The following POTEE variants were observed in gnomAD, a reference collection of about 807,000 sequenced individuals.
POTEE encodes the protein ANKRD26-like family C member 1A.
Under a neutral mutation model 74.2 loss-of-function variants are expected in POTEE, and 21 were observed. That is an observed-to-expected ratio of 0.28 (90% CI 0.20 to 0.41). POTEE has a LOEUF of 0.41. POTEE is among the 10% of genes least tolerant of loss of function. The probability of loss-of-function intolerance (pLI) is 1.00; values close to 1 mark genes in which losing one functional copy is unlikely to be tolerated. For synonymous variants in POTEE, 211 were observed against 432.8 expected, an observed-to-expected ratio of 0.49 and a Z score of 6.36; for missense variants, 525 against 1,158.6, an observed-to-expected ratio of 0.45 and a Z score of 7.94.
At position 131,263,981 on chromosome 2, in the gene POTEE, G is replaced by T; in HGVS notation, c.2526G>T (p.Leu842=). The T allele has an allele frequency of 1.2e-6, 2 of 1,614,202 alleles. No individual in the cohort carries two copies. The highest frequency in any genetic ancestry group is 1.7e-6 in the Non-Finnish European group (2 of 1,180,032). ...MYVAIQAVPS[L]YTSGRTTGIV... ...TGGCCATCCAGGCCGTGCCGTCCCT[G>T]TACACCTCTGGCCGTACTACTGGCA... The change falls in exon 18 of 18, where the codon CTG becomes CTT. Residue 842 remains leucine, a synonymous_variant. Transcript: ENST00000683005.
At chr2:131,261,572 G>T (rs1701709793) in intron 16 of POTEE, among the ~76,000 whole-genome samples, 154 bp from the exon 17 acceptor site, 1 of 39,282 alleles carries the variant, frequency 2.5e-5, no homozygotes, top group South Asian at 6.3e-4. Context: ...GCATGGTTGG[G>T]GACACCTGGT....
Position 131,225,166 on chromosome 2 carries a change from T to C in POTEE, c.810+1123T>C, listed in dbSNP as rs1171213179. Among the ~76,000 whole-genome samples the C allele has an allele frequency of 5.3e-5, 8 of 152,232 alleles. No individual in the cohort carries two copies. In the South Asian group the frequency reaches 8.3e-4, roughly 16 times the overall value. The stretch of plus-strand genomic sequence containing the variant: ...GTGCATCCCAGTAACCTGAGGAAAA[T>C]GTTTAAATAATCAACAAGTCTAGGC... On this transcript the variant is annotated intron_variant, in intron 6 of 17. Transcript: ENST00000683005.
At chr2:131,214,398 A>C (rs1265701856) in intron 2 of POTEE, among the ~76,000 whole-genome samples, 1 of 152,272 alleles carries the variant, frequency 6.6e-6, no homozygotes, top group Non-Finnish European at 1.5e-5. Context: ...TGTTGTCCTA[A>C]AGTAGAATGA....
chr2:131,216,610 A>G (rs1157014761), intron 2 of POTEE, among the ~76,000 whole-genome samples: 2 of 151,590 alleles, frequency 1.3e-5, no homozygotes, highest in African/African-American at 4.9e-5. Flanking sequence ...CAAATGCCTT[A>G]CACATAAAGG....
intron 6 of POTEE, among the ~76,000 whole-genome samples, chr2:131,226,426 G>C (rs887110344): frequency 7.6e-6 from 1 of 130,830 alleles, no homozygotes; most frequent in Non-Finnish European, 1.6e-5. Context: ...TTTACATGCA[G>C]ATTCTTGCTT....
chr2:131,263,090 C>A (rs1186582861), intron 17 of POTEE, among the ~76,000 whole-genome samples: 8 of 149,432 alleles, frequency 5.4e-5, no homozygotes, highest in East Asian at 4.0e-4. Context: ...TATTTTTCAT[C>A]GTCTTTAAAT....
At chr2:131,231,470 G>A (rs1015950164) in intron 9 of POTEE, among the ~76,000 whole-genome samples, 11 of 152,128 alleles carry the variant, frequency 7.2e-5, no homozygotes, top group African/African-American at 4.8e-5. Flanking sequence ...CCTGCTTTGC[G>A]TGGTCCTACC....
chr2:131,229,135 G>A (rs1700869823), intron 8 of POTEE, among the ~76,000 whole-genome samples: 1 of 151,738 alleles, frequency 6.6e-6, no homozygotes, highest in South Asian at 2.1e-4. Context: ...AGAACCTAAT[G>A]TGGAACCCAC....
At chr2:131,220,888 G>A (rs1700595701) in intron 4 of POTEE, among the ~76,000 whole-genome samples, 1 of 150,184 alleles carries the variant, frequency 6.7e-6, no homozygotes, top group Admixed American at 6.7e-5. Context: ...TTGAACCAGG[G>A]AGGTGGAGGT....
At chr2:131,210,135 A>G (rs1700326222) in intron 1 of POTEE, among the ~76,000 whole-genome samples, 2 of 145,484 alleles carry the variant, frequency 1.4e-5, no homozygotes, top group Admixed American at 6.8e-5. Context: ...ATTTGGAGCT[A>G]CAATGCTGGC....
intron 4 of POTEE, among the ~76,000 whole-genome samples, chr2:131,222,074 C>G (rs1323509742): frequency 6.6e-6 from 1 of 152,262 alleles, no homozygotes; most frequent in Admixed American, 6.5e-5. Flanking sequence ...TTTCCTCCCT[C>G]CTTTCAAACA....
intron 9 of POTEE, among the ~76,000 whole-genome samples, chr2:131,233,060 T>C (rs1701013479): frequency 6.6e-6 from 1 of 152,000 alleles, no homozygotes; most frequent in South Asian, 2.1e-4. Flanking sequence ...CCAATAGACT[T>C]GGATTTCTTC....
At chr2:131,221,015 G>A (rs976433079) in intron 4 of POTEE, among the ~76,000 whole-genome samples, 2 of 150,654 alleles carry the variant, frequency 1.3e-5, no homozygotes, top group Non-Finnish European at 3.0e-5. Context: ...TGTCCACAAA[G>A]TTTGTGAGGA....
In POTEE at chr2:131,225,647, G is replaced by C. The variant is rs574041887; in HGVS notation, c.811-1176G>C. Among the ~76,000 whole-genome samples the C allele has an allele frequency of 6.3e-3, 932 of 147,046 alleles. 1 individual carries two copies. Among genetic ancestry groups the C allele is most frequent in the Non-Finnish European group, 0.01 (674 of 67,056 alleles). On this transcript the variant is annotated intron_variant, in intron 6 of 17. Transcript: ENST00000683005. ...AGTGGTGTGATCACAGCTCACTGCAGCCTCGACCTCTCCAAGCTCAGATGG... is the reference window on the plus strand; with the variant it reads ...AGTGGTGTGATCACAGCTCACTGCACCCTCGACCTCTCCAAGCTCAGATGG...
chr2:131,225,379 A>C lies in POTEE; in HGVS notation c.810+1336A>C, dbSNP rs546285814. Among the ~76,000 whole-genome samples, 13 of 78,246 alleles carry C rather than the reference A, an allele frequency of 1.7e-4. No homozygotes were observed. The East Asian group carries it at 5.0e-3, about 30-fold the overall frequency. 51.3% of individuals were successfully genotyped at this position (78,246 alleles called of 152,430 possible). On this transcript the variant is annotated intron_variant, in intron 6 of 17. Coordinates refer to ENST00000683005, the MANE Select transcript of POTEE (RefSeq NM_001083538.3). ...GTCAACATAATGAGACCCTGTCTCT[A>C]ACAACAACAACAACAACGACAACAA...
At chr2:131,233,094 T>C (rs1242897485) in intron 9 of POTEE, among the ~76,000 whole-genome samples, 1 of 152,104 alleles carries the variant, frequency 6.6e-6, no homozygotes, top group Non-Finnish European at 1.5e-5. Context: ...AAGGAATGGC[T>C]ATTGATAGGG....
chr2:131,230,242 C>T (rs1286385347), intron 8 of POTEE, among the ~76,000 whole-genome samples: 1 of 152,196 alleles, frequency 6.6e-6, no homozygotes, highest in East Asian at 1.9e-4. Flanking sequence ...AAGAGTAGGA[C>T]AACTAAGAAG....
intron 16 of POTEE, among the ~76,000 whole-genome samples, chr2:131,260,306 T>G (rs1701672952): frequency 1.3e-5 from 2 of 149,258 alleles, no homozygotes; most frequent in Non-Finnish European, 2.9e-5. Context: ...CAGGCTCTTT[T>G]GTGGTTCTAC....
At position 131,264,909 on chromosome 2, in the gene POTEE, A is replaced by G. The variant is rs982852702; in HGVS notation, c.*226A>G. The G allele has an allele frequency of 8.9e-6, 7 of 786,080 alleles. No individual in the cohort carries two copies. The highest frequency in any genetic ancestry group is 1.8e-5 in the African/African-American group (1 of 56,304). 48.7% of individuals were successfully genotyped at this position (786,080 alleles called of 1,614,324 possible). Reference sequence around the variant, plus strand: ...ATGTTGCCAAGGACTTTGATTGTACATTGTTCTTCTTTTCAATAGTCATTC... The same window carrying G: ...ATGTTGCCAAGGACTTTGATTGTACGTTGTTCTTCTTTTCAATAGTCATTC... On this transcript the variant is annotated 3_prime_UTR_variant, in exon 18 of 18. Coordinates refer to ENST00000683005, the MANE Select transcript of POTEE (RefSeq NM_001083538.3).
Sources: allele counts gnomAD v4.1 joint callset (sites outside exome capture counted in the v4.1 genomes callset), GRCh38; gene constraint gnomAD v4.1.1; transcripts MANE v1.5; gene names NCBI Gene and HGNC (gene_info 2026-07-23, HGNC 2026-07-21).